The following NIPBL variants were observed in gnomAD, a reference collection of about 807,000 sequenced individuals.
The protein encoded by NIPBL is NIPBL cohesin loading factor.
In NIPBL, 19 loss-of-function variants were observed where a neutral mutation model predicts 321.8. That is an observed-to-expected ratio of 0.06 (90% confidence interval 0.04 to 0.09). NIPBL has a LOEUF of 0.09. Among genes scored for constraint, NIPBL ranks in the 10% least tolerant of loss-of-function variants. The pLI is 1.00. For synonymous variants in NIPBL, 1,106 were observed against 1,114.1 expected (o/e 0.99, Z 0.14); for missense variants, 2,210 against 3,327.0 (o/e 0.66, Z 8.26).
chr5:36,949,523 A>T (rs1472871650), intron 1 of NIPBL, among the ~76,000 whole-genome samples: 1 of 151,924 alleles, frequency 6.6e-6, no homozygotes, highest in Non-Finnish European at 1.5e-5. Context: ...AATTTATTAC[A>T]TAGTAAGTGC....
At chr5:37,047,287 T>C (rs72736721) in intron 38 of NIPBL, among the ~76,000 whole-genome samples, 2,665 of 152,286 alleles carry the variant, frequency 0.018, 34 homozygotes, top group Middle Eastern at 0.044. Context: ...AAATTTTATT[T>C]TGGTGTTATG....
chr5:37,016,085 A>T lies in NIPBL; in HGVS notation c.4691A>T (p.Asn1564Ile). 1 of 1,613,944 alleles carries T rather than the reference A, an allele frequency of 6.2e-7. No individual in the cohort carries two copies. ...GEEDYRPLFE[N>I]FVQDLLSTVN... is the part of the protein sequence containing the mutation. The stretch of plus-strand genomic sequence containing the variant: ...GAAGATTACAGACCACTGTTTGAAA[A>T]TTTTGTTCAAGACCTTCTTTCAACA... Residue 1564 changes from asparagine to isoleucine, a missense_variant, in exon 23 of 47, where the codon AAT (asparagine) becomes ATT (isoleucine). By Grantham distance (149) the Asn-to-Ile change is moderately radical (BLOSUM62 -3). Transcript: ENST00000282516.
Position 36,985,844 on chromosome 5 carries a change from A to G in NIPBL, c.2664A>G (p.Ser888=). The change falls in exon 10 of 47, where the codon TCA becomes TCG. Residue 888 remains serine, a synonymous_variant. Coordinates refer to ENST00000282516, the MANE Select transcript of NIPBL (RefSeq NM_133433.4). Reference sequence around the variant, plus strand: ...GACCATCTTCTGGGGAACAAAAATCAAGACCTGACAGTCCTCGTGTTAAAC... The same window carrying G: ...GACCATCTTCTGGGGAACAAAAATCGAGACCTGACAGTCCTCGTGTTAAAC... ...RERPSSGEQK[S]RPDSPRVKQG... The G allele has an allele frequency of 6.2e-7, 1 of 1,613,936 alleles. No homozygotes were observed. The highest frequency in any genetic ancestry group is 1.1e-5 in the South Asian group (1 of 91,074).
intron 1 of NIPBL, among the ~76,000 whole-genome samples, chr5:36,879,888 A>T (rs1745375993): frequency 6.6e-6 from 1 of 152,110 alleles, no homozygotes; most frequent in Non-Finnish European, 1.5e-5. Flanking sequence ...AATGTTTGAG[A>T]AGTGTATATA....
At position 37,016,093 on chromosome 5, in the gene NIPBL, C is replaced by A. The variant is rs780708835; in HGVS notation, c.4699C>A (p.Gln1567Lys). 6.2e-7 allele frequency: 1 copy of A among 1,613,860 alleles called. No homozygotes were observed. The highest frequency in any genetic ancestry group is 2.2e-5 in the East Asian group (1 of 44,802). The change falls in exon 23 of 47, where the codon CAA (glutamine) becomes AAA (lysine). Residue 1567 changes from glutamine to lysine, a missense_variant. Transcript: ENST00000282516. Reference protein sequence around the residue: ...DYRPLFENFVQDLLSTVNKPE... With the variant: ...DYRPLFENFVKDLLSTVNKPE... ...CAGACCACTGTTTGAAAATTTTGTT[C>A]AAGACCTTCTTTCAACAGTCAATAA...
At chr5:37,037,534 G>C (rs1042778238) in intron 33 of NIPBL, among the ~76,000 whole-genome samples, 1 of 150,326 alleles carries the variant, frequency 6.7e-6, no homozygotes, top group Non-Finnish European at 1.5e-5. Flanking sequence ...GTCAGCCTCA[G>C]TTGTTCTCCA....
chr5:36,999,621 C>T lies in NIPBL; in HGVS notation c.3305-752C>T, dbSNP rs76576877. ...GATGAAATCTGTTTGCCAGGTCTGC[C>T]TAAAGGCTCCTGTCAGTACGGGTGA... On this transcript the variant is annotated intron_variant, in intron 11 of 46. Coordinates refer to ENST00000282516, the MANE Select transcript of NIPBL (RefSeq NM_133433.4). Among the ~76,000 whole-genome samples, 131 of 152,310 alleles carry T rather than the reference C, an allele frequency of 8.6e-4. No individual in the cohort carries two copies. The East Asian group carries it at 0.02, about 24-fold the overall frequency.
At chr5:36,917,884 T>A (rs1450796621) in intron 1 of NIPBL, among the ~76,000 whole-genome samples, 5 of 152,180 alleles carry the variant, frequency 3.3e-5, no homozygotes, top group African/African-American at 7.2e-5. Flanking sequence ...TTGGTCTATA[T>A]CTCTGTTTTG....
rs75320000 is a variant in NIPBL, at chr5:36,991,301, T to C, written c.3122-4321T>C. Among the ~76,000 whole-genome samples, 1,179 of 152,234 alleles carry C rather than the reference T, an allele frequency of 7.7e-3. 20 individuals carry two copies. Among genetic ancestry groups the C allele is most frequent in the African/African-American group, 0.027 (1,142 of 41,560 alleles). Reference sequence around the variant, plus strand: ...CCAATTTCCCTCCTACTTTATACAGTTATAAAGACAAAAATGAATGTTGTT... The same window carrying C: ...CCAATTTCCCTCCTACTTTATACAGCTATAAAGACAAAAATGAATGTTGTT... On this transcript the variant is annotated intron_variant, in intron 10 of 46. Transcript: ENST00000282516.
chr5:36,909,194 C>T (rs1580202771), intron 1 of NIPBL, among the ~76,000 whole-genome samples: 1 of 152,274 alleles, frequency 6.6e-6, no homozygotes, highest in Middle Eastern at 3.4e-3. Context: ...GAAACACCCT[C>T]ACAGTTTTCA....
intron 1 of NIPBL, among the ~76,000 whole-genome samples, chr5:36,937,470 C>G (rs909658720): frequency 3.3e-5 from 5 of 152,020 alleles, no homozygotes; most frequent in East Asian, 1.9e-4. Context: ...CGTTGGAGAT[C>G]TGTGTGCATG....
At chr5:36,943,057 G>T (rs892946464) in intron 1 of NIPBL, among the ~76,000 whole-genome samples, 1 of 151,618 alleles carries the variant, frequency 6.6e-6, no homozygotes, top group African/African-American at 2.4e-5. Context: ...TCAAATTTTT[G>T]TTGTATTTTT....
chr5:36,888,161 G>A (rs1234070470), intron 1 of NIPBL, among the ~76,000 whole-genome samples: 1 of 152,094 alleles, frequency 6.6e-6, no homozygotes, highest in Non-Finnish European at 1.5e-5. Flanking sequence ...AGCAGTAATT[G>A]TGAAAGTAAT....
chr5:37,049,055 A>G (rs1753257700), intron 39 of NIPBL, 56 bp from the exon 40 acceptor site: 6 of 1,562,258 alleles, frequency 3.8e-6, no homozygotes, highest in Middle Eastern at 1.7e-4. Flanking sequence ...TGAAATATTT[A>G]GTAAAGTTAG....
intron 2 of NIPBL, among the ~76,000 whole-genome samples, chr5:36,954,258 A>AAGATTTGGG (rs1740703149): frequency 6.6e-6 from 1 of 152,220 alleles, no homozygotes; most frequent in African/African-American, 2.4e-5. Flanking sequence ...AGCATTATGC[A>AAGATTTGGG]AGATTTGGGA....
chr5:37,044,007 G>C (rs1178858198), intron 34 of NIPBL, among the ~76,000 whole-genome samples: 1 of 152,138 alleles, frequency 6.6e-6, no homozygotes, highest in East Asian at 1.9e-4. Flanking sequence ...ACACAGTTTG[G>C]AAAATACTAA....
chr5:37,044,084 T>C (rs1752730042), intron 34 of NIPBL, among the ~76,000 whole-genome samples: 1 of 152,220 alleles, frequency 6.6e-6, no homozygotes, highest in Admixed American at 6.5e-5. Flanking sequence ...TAGAATTGAC[T>C]TGTGTTACAT....
intron 43 of NIPBL, among the ~76,000 whole-genome samples, chr5:37,058,285 A>G (rs1754311763): frequency 6.6e-6 from 1 of 152,150 alleles, no homozygotes; most frequent in South Asian, 2.1e-4. Context: ...TATTTTACCT[A>G]CTTACTGGTA....
intron 1 of NIPBL, among the ~76,000 whole-genome samples, chr5:36,920,862 T>C (rs1312871904): frequency 6.6e-6 from 1 of 151,148 alleles, no homozygotes; most frequent in Non-Finnish European, 1.5e-5. Context: ...GGACCTACTC[T>C]CTCATTCTCT....
Sources: gnomAD v4.1 joint callset for allele counts (sites outside exome capture counted in the v4.1 genomes callset) on GRCh38, gnomAD v4.1.1 for gene constraint, MANE v1.5 for transcripts, NCBI Gene and HGNC (gene_info 2026-07-23, HGNC 2026-07-21) for gene names.